FRY: variants seen among roughly 807,000 people sequenced by gnomAD.
FRY encodes the protein protein furry homolog.
A neutral mutation model predicts 348.4 loss-of-function variants in FRY; 128 were observed. The observed-to-expected ratio is 0.37, with a 90% confidence interval of 0.32 to 0.43. The LOEUF is 0.43. Ranked by LOEUF, FRY falls within the 20% of genes least tolerant of loss-of-function variation. The probability of loss-of-function intolerance (pLI) is 1.00; values close to 1 mark genes in which losing one functional copy is unlikely to be tolerated. For synonymous variants in FRY, 1,370 were observed against 1,374.7 expected (o/e 1.00, Z 0.08); for missense variants, 2,736 against 3,695.2 (o/e 0.74, Z 6.73).
intron 44 of FRY, 66 bp downstream of exon 44, chr13:32,238,052 A>C (rs1326098529): frequency 3.2e-6 from 5 of 1,554,640 alleles, no homozygotes; most frequent in Non-Finnish European, 4.4e-6. Flanking sequence ...TTGGTACAAT[A>C]AGATAATATG....
At chr13:32,225,095 C>T in intron 38 of FRY, 59 bp downstream of exon 38, 1 of 950,358 alleles carries the variant, frequency 1.1e-6, no homozygotes, top group Non-Finnish European at 1.7e-6. Flanking sequence ...CAGAAGTAAT[C>T]CGTAGAGATT....
intron 1 of FRY, among the ~76,000 whole-genome samples, chr13:32,068,340 GA>G (rs1376018040): frequency 2.0e-5 from 3 of 152,140 alleles, no homozygotes; most frequent in Non-Finnish European, 4.4e-5. Context: ...TTCTCTTAGG[GA>G]GAAAAAGGAA....
At chr13:32,133,764 CTTTCTTTTTTT>C (rs1206057925) in intron 8 of FRY, among the ~76,000 whole-genome samples, 49 of 108,482 alleles carry the variant, frequency 4.5e-4, no homozygotes, top group Non-Finnish European at 8.9e-4. Flanking sequence ...TTCTTTCTTT[CTTTCTTTTTTT>C]TTTTTTTTTT....
At chr13:32,274,501 G>T (rs551282492) in intron 55 of FRY, among the ~76,000 whole-genome samples, 27 of 149,800 alleles carry the variant, frequency 1.8e-4, no homozygotes, top group South Asian at 1.3e-3. Context: ...AGGTCAGATC[G>T]AGACCATCCT....
intron 31 of FRY, among the ~76,000 whole-genome samples, chr13:32,208,457 G>C (rs1274100049): frequency 4.6e-5 from 7 of 152,230 alleles, no homozygotes; most frequent in Non-Finnish European, 1.0e-4. Context: ...GGGAACTGAG[G>C]AGCAGAGATG....
At chr13:32,090,350 CAAAAAAAAAAAAA>C (rs34392238) in intron 2 of FRY, among the ~76,000 whole-genome samples, 1 of 58,808 alleles carries the variant, frequency 1.7e-5, no homozygotes, top group Non-Finnish European at 3.1e-5. Flanking sequence ...GACTCCATCT[CAAAAAAAAAAAAA>C]AAAAAAAAAG....
At chr13:32,198,406 T>A (rs1883812932) in intron 29 of FRY, among the ~76,000 whole-genome samples, 1 of 152,212 alleles carries the variant, frequency 6.6e-6, no homozygotes, top group South Asian at 2.1e-4. Context: ...TCTACTTTTA[T>A]AGGCAGAAAG....
At chr13:32,163,769 G>A (rs1881583709) in intron 17 of FRY, among the ~76,000 whole-genome samples, 1 of 152,212 alleles carries the variant, frequency 6.6e-6, no homozygotes, top group Non-Finnish European at 1.5e-5. Context: ...TGCCAGGCGT[G>A]TTGGGAGGGA....
chr13:32,254,902 A>T (rs1055160767), intron 51 of FRY, among the ~76,000 whole-genome samples: 1 of 152,198 alleles, frequency 6.6e-6, no homozygotes, highest in Non-Finnish European at 1.5e-5. Context: ...CAATGCACAC[A>T]AGAGAGCTCT....
At chr13:32,128,167 C>T (rs765806989) in intron 7 of FRY, among the ~76,000 whole-genome samples, 32 of 152,106 alleles carry the variant, frequency 2.1e-4, no homozygotes, top group Non-Finnish European at 3.5e-4. Context: ...TGCTTCCTAC[C>T]TTTTATCCAT....
chr13:32,157,145 C>A, intron 15 of FRY, 128 bp from the exon 16 acceptor site: 2 of 799,754 alleles, frequency 2.5e-6, no homozygotes, highest in South Asian at 1.5e-5. Context: ...TTGAATCAGA[C>A]AGCCCTTTTG....
At chr13:32,210,783 A>C in intron 33 of FRY, 83 bp from the exon 34 acceptor site, 1 of 1,113,076 alleles carries the variant, frequency 9.0e-7, no homozygotes, top group Non-Finnish European at 1.3e-6. Context: ...ATGACAACTT[A>C]TCTAAATGAG....
chr13:32,244,899 T>C (rs531156905), intron 47 of FRY, among the ~76,000 whole-genome samples: 1 of 152,334 alleles, frequency 6.6e-6, no homozygotes, highest in African/African-American at 2.4e-5. Flanking sequence ...GTCTTTGTTT[T>C]ATTGTACCAG....
Position 32,234,635 on chromosome 13 carries a change from A to G in FRY, c.5589A>G (p.Ser1863=). The G allele has an allele frequency of 6.2e-7, 1 of 1,614,118 alleles. No individual in the cohort carries two copies. Among genetic ancestry groups the G allele is most frequent in the Non-Finnish European group, 8.5e-7 (1 of 1,180,008 alleles). Residue 1863 remains serine, a synonymous_variant, in exon 42 of 61, where the codon TCA becomes TCG. Transcript: ENST00000542859. ...VALQTALASS[S]RHYAGRSFQI... ...TGCAGACAGCCCTCGCAAGCTCTTC[A>G]AGGCACTATGCTGGTCGGTCCTTCC...
In FRY at chr13:32,289,694, C is replaced by T; in HGVS notation, c.8531C>T (p.Ser2844Phe). 1 of 1,613,014 alleles carries T rather than the reference C, an allele frequency of 6.2e-7. No individual in the cohort carries two copies. The highest frequency in any genetic ancestry group is 8.5e-7 in the Non-Finnish European group (1 of 1,179,012). Residue 2844 changes from serine (S) to phenylalanine (F), a missense_variant, in exon 59 of 61, where the codon TCC becomes TTC. Ser to Phe is a radical substitution (Grantham distance 155, BLOSUM62 -2). Coordinates refer to ENST00000542859, the MANE Select transcript of FRY (RefSeq NM_023037.3). The stretch of plus-strand genomic sequence containing the variant: ...TTCCAGCTGCTATTGCTTTTTCAGT[C>T]CTACTGTAAGCTCATCGGCCAGGTG... The part of the protein sequence containing the change: ...LHFQLLLLFQ[S>F]YCKLIGQVHE...
At chr13:32,042,557 G>T (rs1221776563) in intron 1 of FRY, among the ~76,000 whole-genome samples, 1 of 152,074 alleles carries the variant, frequency 6.6e-6, no homozygotes, top group Non-Finnish European at 1.5e-5. Flanking sequence ...TTCCAGGTGG[G>T]CTTAGAAGCT....
chr13:32,156,043 T>C (rs1433259346), intron 15 of FRY, among the ~76,000 whole-genome samples: 2 of 152,222 alleles, frequency 1.3e-5, no homozygotes, highest in Non-Finnish European at 2.9e-5. Flanking sequence ...TTAAATTTAG[T>C]TTAACATGTT....
At chr13:32,049,149 A>T (rs1195345984) in intron 1 of FRY, among the ~76,000 whole-genome samples, 1 of 152,126 alleles carries the variant, frequency 6.6e-6, no homozygotes, top group Non-Finnish European at 1.5e-5. Context: ...GAAGGAAGTG[A>T]TTCATCATTT....
chr13:32,234,443 G>T, intron 41 of FRY, 131 bp from the exon 42 acceptor site: 6 of 818,092 alleles, frequency 7.3e-6, no homozygotes, highest in Non-Finnish European at 1.3e-5. Context: ...AAAAAAAATG[G>T]TTGACTTGTA....
Sources: allele counts gnomAD v4.1 joint callset (sites outside exome capture counted in the v4.1 genomes callset), GRCh38; gene constraint gnomAD v4.1.1; transcripts MANE v1.5; gene names NCBI Gene and HGNC (gene_info 2026-07-23, HGNC 2026-07-21).